The following IMMP2L variants were observed in gnomAD, a reference collection of about 807,000 sequenced individuals.
IMMP2L encodes the protein mitochondrial inner membrane protease subunit 2.
A neutral mutation model predicts 19.3 loss-of-function variants in IMMP2L; 18 were observed. That is an observed-to-expected ratio of 0.93 (90% confidence interval 0.64 to 1.38). The LOEUF (loss-of-function observed/expected upper bound fraction) is 1.38. Ranked by LOEUF, IMMP2L falls within the 40% of genes most tolerant of loss-of-function variation. The pLI is 0.00. For missense variants in IMMP2L, 233 were observed against 218.2 expected (o/e 1.07, Z -0.43); for synonymous variants, 76 against 73.0 (o/e 1.04, Z -0.21).
intron 4 of IMMP2L, among the ~76,000 whole-genome samples, chr7:110,934,415 A>G (rs929080865): frequency 6.6e-6 from 1 of 152,060 alleles, no homozygotes; most frequent in Admixed American, 6.6e-5. Context: ...TGTCTCATTG[A>G]TCTAATATTG....
rs374621101 is a variant in IMMP2L at position 110,696,425 on chromosome 7, C to CTTTTT, written c.409-32709_409-32705dup. On this transcript the variant is annotated intron_variant, in intron 5 of 5. Coordinates refer to ENST00000405709, the MANE Select transcript of IMMP2L (RefSeq NM_032549.4). ...TCTGCACTGAGACATTCCTTTTTCTCTTTTTTTTTTTTTTTTTTTGAGACA... is the reference window on the plus strand; with the variant it reads ...TCTGCACTGAGACATTCCTTTTTCTCTTTTTTTTTTTTTTTTTTTTTTTTGAGACA... 7.5e-3 allele frequency among the ~76,000 whole-genome samples: 899 copies of CTTTTT among 119,726 alleles called. 18 individuals are homozygous for CTTTTT. Among genetic ancestry groups the CTTTTT allele is most frequent in the African/African-American group, 0.017 (563 of 32,984 alleles). 78.5% of individuals were successfully genotyped at this position (119,726 alleles called of 152,430 possible). A position where few individuals can be genotyped will look rare whatever the true frequency, so the allele number is the denominator to read the frequency against.
intron 5 of IMMP2L, among the ~76,000 whole-genome samples, chr7:110,750,183 A>G (rs1468579706): frequency 6.6e-6 from 1 of 152,164 alleles, no homozygotes; most frequent in Non-Finnish European, 1.5e-5. Context: ...ATGAACAGTT[A>G]CAGCTTCTAC....
chr7:110,907,671 A>G (rs573220081), intron 4 of IMMP2L, among the ~76,000 whole-genome samples: 2 of 152,288 alleles, frequency 1.3e-5, no homozygotes, highest in Non-Finnish European at 2.9e-5. Flanking sequence ...TAGTTTCTAG[A>G]TTTACTGTTC....
In IMMP2L at chr7:111,108,050, A is replaced by ATTG. The variant is rs373206894; in HGVS notation, c.240-144488_240-144486dup. Among the ~76,000 whole-genome samples the ATTG allele has an allele frequency of 4.3e-4, 65 of 151,940 alleles. No individual in the cohort carries two copies. In the South Asian group the frequency reaches 0.013, roughly 30 times the overall value. On this transcript the variant is annotated intron_variant, in intron 3 of 5. Coordinates refer to ENST00000405709, the MANE Select transcript of IMMP2L (RefSeq NM_032549.4). ...TCTTTACAATACTGTTTTTGTTTTT[A>ATTG]TTGTTGTTGTTGTTGTTTTCTCCTA...
Position 111,026,543 on chromosome 7 carries a change from T to C in IMMP2L, c.240-62978A>G, listed in dbSNP as rs9768392. On this transcript the variant is annotated intron_variant, in intron 3 of 5. Coordinates refer to ENST00000405709, the MANE Select transcript of IMMP2L (RefSeq NM_032549.4). ...TAGCAGCCTCTCCCTGTGCCAATTA[T>C]GGGCGACTTTCCATTTACATATAAA... Among the ~76,000 whole-genome samples, 671 of 152,236 alleles carry C rather than the reference T, an allele frequency of 4.4e-3. 7 individuals are homozygous for C. The highest frequency in any genetic ancestry group is 0.015 in the African/African-American group (617 of 41,564).
At chr7:111,282,514 A>T (rs1354222051) in intron 3 of IMMP2L, among the ~76,000 whole-genome samples, 2 of 152,206 alleles carry the variant, frequency 1.3e-5, no homozygotes, top group Non-Finnish European at 2.9e-5. Flanking sequence ...TTTGAAATAA[A>T]AACTGACAGA....
At chr7:111,173,378 C>T (rs376091458) in intron 3 of IMMP2L, among the ~76,000 whole-genome samples, 1 of 151,588 alleles carries the variant, frequency 6.6e-6, no homozygotes, top group South Asian at 2.1e-4. Flanking sequence ...ATTTTAATCA[C>T]CTGAATCACT....
At chr7:110,996,550 C>T (rs911288174) in intron 3 of IMMP2L, among the ~76,000 whole-genome samples, 1 of 152,054 alleles carries the variant, frequency 6.6e-6, no homozygotes, top group Non-Finnish European at 1.5e-5. Context: ...TGGGTAGACC[C>T]TGCCTTGTGA....
At chr7:111,550,149 C>A (rs1449341411) in intron 1 of IMMP2L, among the ~76,000 whole-genome samples, 1 of 151,816 alleles carries the variant, frequency 6.6e-6, no homozygotes, top group Non-Finnish European at 1.5e-5. Context: ...TGGGAAAATA[C>A]CAAGATCCTT....
intron 5 of IMMP2L, among the ~76,000 whole-genome samples, chr7:110,678,324 A>T (rs1207370917): frequency 6.6e-6 from 1 of 152,280 alleles, no homozygotes; most frequent in Non-Finnish European, 1.5e-5. Context: ...TACATATGGC[A>T]TAGACATAGT....
intron 4 of IMMP2L, among the ~76,000 whole-genome samples, chr7:110,935,278 A>T (rs1370769064): frequency 6.6e-6 from 1 of 152,032 alleles, no homozygotes; most frequent in African/African-American, 2.4e-5. Flanking sequence ...GTGAATATGA[A>T]ATTTTGGGTT....
At chr7:111,026,635 T>C (rs1304789969) in intron 3 of IMMP2L, among the ~76,000 whole-genome samples, 1 of 152,112 alleles carries the variant, frequency 6.6e-6, no homozygotes, top group African/African-American at 2.4e-5. Context: ...AAAACATAAA[T>C]TAGATGCATT....
intron 3 of IMMP2L, among the ~76,000 whole-genome samples, chr7:111,294,267 T>C (rs569610434): frequency 1.8e-4 from 27 of 151,850 alleles, no homozygotes; most frequent in Non-Finnish European, 3.5e-4. Context: ...AAGGCATAAT[T>C]TACTTTGAGT....
intron 5 of IMMP2L, among the ~76,000 whole-genome samples, chr7:110,880,421 C>T (rs749486749): frequency 2.5e-4 from 38 of 152,152 alleles, no homozygotes; most frequent in Non-Finnish European, 5.2e-4. Context: ...ACGTTATTTA[C>T]GTAGTTTGGT....
chr7:111,058,063 T>A (rs1793676098), intron 3 of IMMP2L, among the ~76,000 whole-genome samples: 1 of 152,174 alleles, frequency 6.6e-6, no homozygotes, highest in African/African-American at 2.4e-5. Flanking sequence ...TTTCCATTTC[T>A]GCAAAAGGCA....
intron 3 of IMMP2L, among the ~76,000 whole-genome samples, chr7:110,980,720 A>G (rs188553061): frequency 6.6e-6 from 1 of 152,298 alleles, no homozygotes; most frequent in African/African-American, 2.4e-5. Context: ...AAATTTCCCT[A>G]AATTTGACAA....
intron 3 of IMMP2L, among the ~76,000 whole-genome samples, chr7:111,039,486 G>A (rs1166260394): frequency 6.6e-6 from 1 of 152,184 alleles, no homozygotes; most frequent in African/African-American, 2.4e-5. Context: ...TAAAGCTTAT[G>A]AGTAGGTAGA....
intron 5 of IMMP2L, among the ~76,000 whole-genome samples, chr7:110,874,358 C>G (rs940616918): frequency 6.6e-6 from 1 of 151,942 alleles, no homozygotes; most frequent in Non-Finnish European, 1.5e-5. Context: ...AATGGGGCAT[C>G]CTCTTCATAA....
intron 5 of IMMP2L, among the ~76,000 whole-genome samples, chr7:110,810,342 T>C (rs1801950642): frequency 1.3e-5 from 2 of 152,058 alleles, no homozygotes; most frequent in South Asian, 4.1e-4. Flanking sequence ...AAAATTCAGC[T>C]ATAAGTCACT....
Sources: gnomAD v4.1 joint callset for allele counts (sites outside exome capture counted in the v4.1 genomes callset) on GRCh38, gnomAD v4.1.1 for gene constraint, MANE v1.5 for transcripts, NCBI Gene and HGNC (gene_info 2026-07-23, HGNC 2026-07-21) for gene names.